PHF19: variants seen among roughly 807,000 people sequenced by gnomAD.
The protein encoded by PHF19 is polycomb like 3.
A neutral mutation model predicts 79.8 loss-of-function variants in PHF19; 21 were observed. The observed-to-expected ratio is 0.26, with a 90% CI of 0.19 to 0.38. The LOEUF is 0.38. PHF19 is among the 10% of genes least tolerant of loss of function. The probability of loss-of-function intolerance (pLI) is 1.00; values close to 1 mark genes in which losing one functional copy is unlikely to be tolerated. For missense variants in PHF19, 445 were observed against 744.2 expected (o/e 0.60, Z 4.68); for synonymous variants, 273 against 296.3 (o/e 0.92, Z 0.81).
rs903818539 is a variant in PHF19 at position 120,891,792 on chromosome 9, T to C, written c.42+2996A>G. On this transcript the variant is annotated intron_variant, in intron 1 of 14. Transcript: ENST00000616568. The surrounding 1 kb of genome is among the most constrained non-coding windows in gnomAD (Gnocchi z 4.3). ...GTTAGGAGAGACGGAAGCATCACAG[T>C]CACCTGGTAGAAGGATGCCTGTCTG... Among the ~76,000 whole-genome samples the C allele has an allele frequency of 1.3e-5, 2 of 152,134 alleles. No individual in the cohort carries two copies. The highest frequency in any genetic ancestry group is 1.3e-4 in the Admixed American group (2 of 15,266).
upstream of PHF19, among the ~76,000 whole-genome samples, chr9:120,878,718 C>T (rs1025791449): frequency 2.0e-5 from 3 of 152,194 alleles, no homozygotes; most frequent in African/African-American, 4.8e-5. Context: ...TGGATCCTGG[C>T]GCCTCAGCAG....
upstream of PHF19, among the ~76,000 whole-genome samples, chr9:120,899,538 C>G (rs1259071778): frequency 6.6e-6 from 1 of 152,008 alleles, no homozygotes; most frequent in Non-Finnish European, 1.5e-5. Flanking sequence ...TATTCTTACA[C>G]TGGCACCCCC....
upstream of PHF19, among the ~76,000 whole-genome samples, chr9:120,896,460 T>C (rs1037054944): frequency 2.8e-5 from 4 of 144,610 alleles, no homozygotes; most frequent in East Asian, 2.0e-4. Context: ...TCTTTTTTTT[T>C]TTTTTTTTTG....
rs1379787512 is a variant in PHF19 at position 120,869,514 on chromosome 9, A to G, written c.466-184T>C. 1 of 1,376,444 alleles carries G rather than the reference A, an allele frequency of 7.3e-7. No homozygotes were observed. Among genetic ancestry groups the G allele is most frequent in the Non-Finnish European group, 9.6e-7 (1 of 1,042,098 alleles). 85.3% of individuals were successfully genotyped at this position (1,376,444 alleles called of 1,614,324 possible). A position where few individuals can be genotyped will look rare whatever the true frequency, so the allele number is the denominator to read the frequency against. ...AACCCATCCCCTCTATCCCAGAAGG[A>G]ACTCCGTTGATAACAGAATTAAGAG... On this transcript the variant is annotated intron_variant, in intron 5 of 14. Coordinates refer to ENST00000373896, the MANE Select transcript of PHF19 (RefSeq NM_015651.3). This position sits in a 1 kb window ranked among gnomAD's most constrained non-coding sequence, Gnocchi z 5.8.
At chr9:120,877,378 C>T (rs1477981499), upstream of PHF19, 2 of 980,120 alleles carry the variant, frequency 2.0e-6, no homozygotes, top group East Asian at 1.1e-4. Context: ...TAGCGGGGGC[C>T]GCGCCGGCCT....
chr9:120,887,095 A>G (rs1393365691), intron 1 of PHF19, among the ~76,000 whole-genome samples: 1 of 150,098 alleles, frequency 6.7e-6, no homozygotes, highest in Non-Finnish European at 1.5e-5. Context: ...AAAGAAAAGA[A>G]AAAAGAAAAT....
chr9:120,865,977 G>T, intron 8 of PHF19, 51 bp downstream of exon 8: 1 of 1,560,696 alleles, frequency 6.4e-7, no homozygotes, highest in Non-Finnish European at 8.8e-7. Context: ...GAGGAGGGAG[G>T]GGAGAAGCTG....
rs771730365 is a variant in PHF19 at position 120,869,718 on chromosome 9, C to T, written c.465+127G>A. 5.1e-6 allele frequency: 8 copies of T among 1,559,280 alleles called. No homozygotes were observed. Among genetic ancestry groups the T allele is most frequent in the Middle Eastern group, 1.7e-4 (1 of 6,022 alleles). ...TCCTGGCCAAGGACAGTGGCAGAGG[C>T]GCTATCTGTCTCCAAAGCCCAGGTG... On this transcript the variant is annotated intron_variant, in intron 5 of 14. Transcript: ENST00000373896. This position sits in a 1 kb window ranked among gnomAD's most constrained non-coding sequence, Gnocchi z 5.8.
At position 120,869,716 on chromosome 9, in the gene PHF19, G is replaced by A. The variant is rs1402226283; in HGVS notation, c.465+129C>T. On this transcript the variant is annotated intron_variant, in intron 5 of 14. Transcript: ENST00000373896. The surrounding 1 kb of genome is among the most constrained non-coding windows in gnomAD (Gnocchi z 5.8). The stretch of plus-strand genomic sequence containing the variant: ...AATCCTGGCCAAGGACAGTGGCAGA[G>A]GCGCTATCTGTCTCCAAAGCCCAGG... 1 of 1,558,646 alleles carries A rather than the reference G, an allele frequency of 6.4e-7. No individual in the cohort carries two copies.
In PHF19 at chr9:120,861,954, T is replaced by C; in HGVS notation, c.1182A>G (p.Lys394=). 1 of 1,613,778 alleles carries C rather than the reference T, an allele frequency of 6.2e-7. No homozygotes were observed. Among genetic ancestry groups the C allele is most frequent in the South Asian group, 1.1e-5 (1 of 91,076 alleles). ...QQQKRRVYRR[K]RSKFLLEDAI... is the part of the protein sequence containing the mutation. ...CATCTTCCAGCAAAAACTTTGATCT[T>C]TTTCTTCTATAAACTCGCCTTTTCT... The change falls in exon 12 of 15, where the codon AAA becomes AAG. Residue 394 remains lysine (K), a synonymous_variant. Transcript: ENST00000373896.
chr9:120,872,169 G>A (rs542083832), intron 3 of PHF19, among the ~76,000 whole-genome samples: 127 of 151,268 alleles, frequency 8.4e-4, no homozygotes, highest in Non-Finnish European at 1.6e-3. Flanking sequence ...AGGCAGGAAC[G>A]TTGCCTCCTA....
intron 1 of PHF19, among the ~76,000 whole-genome samples, chr9:120,889,732 A>C (rs1182678803): frequency 6.6e-6 from 1 of 151,934 alleles, no homozygotes; most frequent in Non-Finnish European, 1.5e-5. Flanking sequence ...GTGACAGAGC[A>C]AGACCCTGTC....
At chr9:120,897,978 C>CAAAAAA (rs577932181), upstream of PHF19, among the ~76,000 whole-genome samples, 1 of 99,682 alleles carries the variant, frequency 1.0e-5, no homozygotes. Flanking sequence ...GACCCCGTCT[C>CAAAAAA]AAAAAAAAAA....
intron 1 of PHF19, among the ~76,000 whole-genome samples, chr9:120,884,758 A>G (rs1298428224): frequency 6.6e-6 from 1 of 150,848 alleles, no homozygotes; most frequent in Non-Finnish European, 1.5e-5. Context: ...AAAATACAAA[A>G]AAAAAAAAAA....
upstream of PHF19, among the ~76,000 whole-genome samples, chr9:120,897,108 C>T (rs978456234): frequency 6.6e-5 from 10 of 152,262 alleles, no homozygotes; most frequent in African/African-American, 2.2e-4. Context: ...GGATTACGAT[C>T]ATATGTACTT....
chr9:120,864,292 T>C lies in PHF19; in HGVS notation c.901-176A>G, dbSNP rs372534966. The stretch of plus-strand genomic sequence containing the variant: ...TCACCTCTCCAAGTTCATTCCCATT[T>C]GTAAATGGAGAGAATACTTCCTGAC... On this transcript the variant is annotated intron_variant, in intron 9 of 14. Transcript: ENST00000373896. Among the ~76,000 whole-genome samples, 67 of 152,362 alleles carry C rather than the reference T, an allele frequency of 4.4e-4. No homozygotes were observed. The East Asian group carries it at 0.011, about 24-fold the overall frequency.
chr9:120,885,650 A>C (rs2046253159), intron 1 of PHF19, among the ~76,000 whole-genome samples: 1 of 151,792 alleles, frequency 6.6e-6, no homozygotes, highest in Non-Finnish European at 1.5e-5. Context: ...TTCAAGATGA[A>C]GTAGTAAATC....
upstream of PHF19, among the ~76,000 whole-genome samples, chr9:120,896,608 C>A (rs957889016): frequency 6.6e-6 from 1 of 151,848 alleles, no homozygotes; most frequent in Non-Finnish European, 1.5e-5. Context: ...CGCGCCACCA[C>A]GCCCGGCTAA....
At position 120,855,880 on chromosome 9, in the gene PHF19, C is replaced by A. The variant is rs2045351460; in HGVS notation, c.*2064G>T. Reference sequence around the variant, plus strand: ...CTATCTTCCCAGGTGGTGCAGACACCCCCTCCCTCCTTTTCCCTCTCCAGG... The same window carrying A: ...CTATCTTCCCAGGTGGTGCAGACACACCCTCCCTCCTTTTCCCTCTCCAGG... On this transcript the variant is annotated 3_prime_UTR_variant, in exon 15 of 15. Coordinates refer to ENST00000373896, the MANE Select transcript of PHF19 (RefSeq NM_015651.3). The A allele has an allele frequency of 6.5e-6, 1 of 152,688 alleles. No homozygotes were observed. Among genetic ancestry groups the A allele is most frequent in the African/African-American group, 2.4e-5 (1 of 41,404 alleles). 9.5% of individuals were successfully genotyped at this position (152,688 alleles called of 1,614,324 possible). A position where few individuals can be genotyped will look rare whatever the true frequency, so the allele number is the denominator to read the frequency against.
Sources: allele counts gnomAD v4.1 joint callset (sites outside exome capture counted in the v4.1 genomes callset), GRCh38; gene constraint gnomAD v4.1.1; non-coding constraint Gnocchi (gnomAD v3.1); transcripts MANE v1.5; gene names NCBI Gene and HGNC (gene_info 2026-07-23, HGNC 2026-07-21).